Variants in NOP9 observed in about 807,000 individuals in gnomAD.
The protein encoded by NOP9 is NOP9 nucleolar protein, also known as nucleolar protein 9.
A neutral mutation model predicts 63.0 loss-of-function variants in NOP9; 50 were observed. The ratio of observed to expected loss-of-function variants is 0.79; its 90% confidence interval spans 0.63 to 1.00. The LOEUF is 1.00. NOP9 is among the 50% of genes least tolerant of loss of function. The pLI is 0.00. For synonymous variants in NOP9, 343 were observed against 332.8 expected (o/e 1.03, Z -0.33); for missense variants, 758 against 803.0 (o/e 0.94, Z 0.68).
rs141301146 is a variant in NOP9 at position 24,307,411 on chromosome 14, T to G, written c.*2316T>G. ...CTGGCGGGTGGCAGCTGTCAGGCCT[T>G]TCCGGATGGTCCGCTTGTGATCACA... is the stretch of plus-strand genomic sequence containing the variant. On this transcript the variant is annotated 3_prime_UTR_variant, in exon 10 of 10. Transcript: ENST00000267425. 15 of 1,613,848 alleles carry G rather than the reference T, an allele frequency of 9.3e-6. No homozygotes were observed. The highest frequency in any genetic ancestry group is 1.3e-5 in the Non-Finnish European group (15 of 1,179,958).
the NOP9 span, among the ~76,000 whole-genome samples, chr14:24,280,386 G>A: frequency 4.6e-5 from 7 of 152,130 alleles, no homozygotes; most frequent in African/African-American, 9.7e-5. Context: ...CTTGGGGCTC[G>A]GTCAAGTGCC....
rs1173628628 is a variant in NOP9 at position 24,308,736 on chromosome 14, T to C, written c.*3641T>C. Reference sequence around the variant, plus strand: ...GACAGTTGCATGGAAGCTGAGACTCTCACTGACAGTGAAACCCTCAAATGA... The same window carrying C: ...GACAGTTGCATGGAAGCTGAGACTCCCACTGACAGTGAAACCCTCAAATGA... On this transcript the variant is annotated 3_prime_UTR_variant, in exon 10 of 10. Transcript: ENST00000267425. 1 of 152,234 alleles carries C rather than the reference T, an allele frequency of 6.6e-6. No individual in the cohort carries two copies. Among genetic ancestry groups the C allele is most frequent in the East Asian group, 1.9e-4 (1 of 5,202 alleles). The allele number at this position is 152,234 out of a possible 1,614,324, so 9.4% of individuals were successfully genotyped here.
upstream of NOP9, chr14:24,299,338 G>A (rs2041324041): frequency 1.9e-6 from 1 of 520,478 alleles, no homozygotes; most frequent in Non-Finnish European, 3.5e-6. Context: ...GAGTGAAGAA[G>A]GGGCTGAGTG....
chr14:24,272,449 C>T, the NOP9 span, among the ~76,000 whole-genome samples: 1 of 152,246 alleles, frequency 6.6e-6, no homozygotes, highest in Admixed American at 6.5e-5. Context: ...CTCCTCACTT[C>T]TTAAACTCGC....
At chr14:24,275,843 A>C in the NOP9 span, among the ~76,000 whole-genome samples, 2 of 152,228 alleles carry the variant, frequency 1.3e-5, no homozygotes, top group East Asian at 3.8e-4. Flanking sequence ...GCCTCACAGC[A>C]TGTTGGGTGC....
Position 24,303,205 on chromosome 14 carries a change from C to T in NOP9, c.1275C>T (p.Leu425=). The change falls in exon 6 of 10, where the codon CTC becomes CTT. Residue 425 remains leucine (L), a synonymous_variant. Coordinates refer to ENST00000267425, the MANE Select transcript of NOP9 (RefSeq NM_174913.3). Reference sequence around the variant, plus strand: ...CCTACCAAGCCAAGGTCCTACAGCTCTTGTTGGAGGTGAGTGGATATTACC... The same window carrying T: ...CCTACCAAGCCAAGGTCCTACAGCTTTTGTTGGAGGTGAGTGGATATTACC... ...VGAYQAKVLQ[L]LLEAFHCAEP... 6.2e-7 allele frequency: 1 copy of T among 1,614,090 alleles called. No individual in the cohort carries two copies. The highest frequency in any genetic ancestry group is 1.7e-5 in the Admixed American group (1 of 60,016).
rs2041379745 is a variant in NOP9, at chr14:24,301,706, T to C, written c.792T>C (p.Phe264=). The change falls in exon 3 of 10, where the codon TTT becomes TTC. Residue 264 remains phenylalanine, a synonymous_variant. Coordinates refer to ENST00000267425, the MANE Select transcript of NOP9 (RefSeq NM_174913.3). The stretch of plus-strand genomic sequence containing the variant: ...GCCTTCAGGACCTGAGCTCCTCCTT[T>C]CTGAAGGACATTGCAGGTAAGGAGG... ...LNRLQDLSSS[F]LKDIAVFITD... is the part of the protein sequence containing the mutation. 1.9e-6 allele frequency: 3 copies of C among 1,614,030 alleles called. No individual in the cohort carries two copies. The highest frequency in any genetic ancestry group is 2.7e-5 in the African/African-American group (2 of 74,914).
At position 24,303,194 on chromosome 14, in the gene NOP9, G is replaced by A; in HGVS notation, c.1264G>A (p.Val422Ile). Residue 422 changes from valine (V) to isoleucine (I), a missense_variant, in exon 6 of 10, where the codon GTC (valine) becomes ATC (isoleucine). Physicochemically the swap from Val to Ile is conservative, Grantham distance 29 (BLOSUM62 3). Transcript: ENST00000267425. ...CRRVGAYQAK[V>I]LQLLLEAFHC... Reference sequence around the variant, plus strand: ...CAGAGTTGGGGCCTACCAAGCCAAGGTCCTACAGCTCTTGTTGGAGGTGAG... The same window carrying A: ...CAGAGTTGGGGCCTACCAAGCCAAGATCCTACAGCTCTTGTTGGAGGTGAG... The A allele has an allele frequency of 6.2e-7, 1 of 1,614,100 alleles. No homozygotes were observed. Among genetic ancestry groups the A allele is most frequent in the Non-Finnish European group, 8.5e-7 (1 of 1,180,030 alleles).
At chr14:24,302,173 T>G in intron 4 of NOP9, 59 bp from the exon 5 acceptor site, 2 of 1,600,246 alleles carry the variant, frequency 1.2e-6, no homozygotes, top group Admixed American at 1.7e-5. Context: ...GGTGATGTAG[T>G]GCAACTGTAT....
At chr14:24,302,194 A>G in intron 4 of NOP9, 38 bp from the exon 5 acceptor site, 1 of 1,601,450 alleles carries the variant, frequency 6.2e-7, no homozygotes, top group Admixed American at 1.7e-5. Flanking sequence ...TTTGCATGAA[A>G]TGGAGTTAAG....
chr14:24,302,004 T>TA lies in NOP9; in HGVS notation c.848_849insA (p.Ala284GlyfsTer66). ...AAGATCTCCAGCTTCTGTCTTCAAG[T>TA]GGCTTTACAGGTTTTACACCGCAAA... On this transcript the variant is annotated frameshift_variant, in exon 4 of 10. Coordinates refer to ENST00000267425, the MANE Select transcript of NOP9 (RefSeq NM_174913.3). LOFTEE classifies it high-confidence loss of function. 6.2e-7 allele frequency: 1 copy of TA among 1,614,116 alleles called. No individual in the cohort carries two copies. The highest frequency in any genetic ancestry group is 1.1e-5 in the South Asian group (1 of 91,084).
the NOP9 span, among the ~76,000 whole-genome samples, chr14:24,273,707 G>A: frequency 6.6e-6 from 1 of 152,246 alleles, no homozygotes. Context: ...TAGGAGGGAT[G>A]TGCACACACA....
the NOP9 span, among the ~76,000 whole-genome samples, chr14:24,283,457 A>G: frequency 6.6e-6 from 1 of 151,806 alleles, no homozygotes; most frequent in Admixed American, 6.6e-5. Flanking sequence ...AAACTTAACC[A>G]GGCATGGTTG....
In NOP9 at chr14:24,299,941, G is replaced by A. The variant is rs1183568950; in HGVS notation, c.-14G>A. ...TAAGGAAGCTTTTGCAGCCGGACAG[G>A]TCGCGAAGCACACATGGGGCAGGGT... On this transcript the variant is annotated 5_prime_UTR_variant, in exon 1 of 10. Coordinates refer to ENST00000267425, the MANE Select transcript of NOP9 (RefSeq NM_174913.3). 6.6e-7 allele frequency: 1 copy of A among 1,524,390 alleles called. No homozygotes were observed. Among genetic ancestry groups the A allele is most frequent in the Admixed American group, 2.2e-5 (1 of 45,758 alleles). 94.4% of individuals were successfully genotyped at this position (1,524,390 alleles called of 1,614,324 possible).
At position 24,304,584 on chromosome 14, in the gene NOP9, T is replaced by C; in HGVS notation, c.1739T>C (p.Ile580Thr). 1 of 1,610,978 alleles carries C rather than the reference T, an allele frequency of 6.2e-7. No individual in the cohort carries two copies. Among genetic ancestry groups the C allele is most frequent in the East Asian group, 2.2e-5 (1 of 44,866 alleles). ...GCAGCCTTGAGGGCCCGGAAGGAAA[T>C]TGCTGCTGAGCTTGGTGAGTACCAG... Reference protein sequence around the residue: ...SGAALRARKEIAAELGEQNQE... With the variant: ...SGAALRARKETAAELGEQNQE... Residue 580 changes from isoleucine (I) to threonine (T), a missense_variant, in exon 9 of 10, where the codon ATT becomes ACT. Ile to Thr is a moderately conservative substitution (Grantham distance 89). Coordinates refer to ENST00000267425, the MANE Select transcript of NOP9 (RefSeq NM_174913.3).
At chr14:24,288,613 G>A in the NOP9 span, among the ~76,000 whole-genome samples, 317 of 152,322 alleles carry the variant, frequency 2.1e-3, 1 homozygote, top group Non-Finnish European at 2.5e-3. Context: ...CTCCCAAAGT[G>A]CTGGGATTAT....
chr14:24,304,733 A>C, intron 9 of NOP9, 135 bp downstream of exon 9: 1 of 898,832 alleles, frequency 1.1e-6, no homozygotes, highest in Non-Finnish European at 1.6e-6. Flanking sequence ...GGTTCTTAGC[A>C]GTCTGCTTTC....
upstream of NOP9, among the ~76,000 whole-genome samples, chr14:24,295,526 T>C (rs1455744469): frequency 6.6e-6 from 1 of 152,144 alleles, no homozygotes; most frequent in Non-Finnish European, 1.5e-5. Flanking sequence ...TCAAGGGGCC[T>C]TTACCTTGGA....
chr14:24,282,898 C>T, the NOP9 span, among the ~76,000 whole-genome samples: 1 of 151,810 alleles, frequency 6.6e-6, no homozygotes, highest in Non-Finnish European at 1.5e-5. Context: ...TGAGCCTGCA[C>T]CTGGACTCTG....
Sources: gnomAD v4.1 joint callset for allele counts (sites outside exome capture counted in the v4.1 genomes callset) on GRCh38, gnomAD v4.1.1 for gene constraint, MANE v1.5 for transcripts, NCBI Gene and HGNC (gene_info 2026-07-23, HGNC 2026-07-21) for gene names.